CLVS1: variants seen among roughly 807,000 people sequenced by gnomAD.
The protein encoded by CLVS1 is clavesin-1.
CLVS1 carries 10 observed loss-of-function variants against 33.1 expected under a neutral mutation model. The ratio of observed to expected loss-of-function variants is 0.30; its 90% confidence interval spans 0.19 to 0.51. The LOEUF is 0.51. CLVS1 is among the 20% of genes least tolerant of loss of function. The pLI, the probability that CLVS1 is intolerant of heterozygous loss-of-function variation, is 0.97. For synonymous variants in CLVS1, 163 were observed against 166.1 expected, an observed-to-expected ratio of 0.98 and a Z score of 0.14; for missense variants, 343 against 433.4, an observed-to-expected ratio of 0.79 and a Z score of 1.85.
chr8:61,367,143 T>C (rs6994385), intron 2 of CLVS1, among the ~76,000 whole-genome samples: 74,902 of 151,862 alleles, frequency 0.49, 18,753 homozygotes, highest in East Asian at 0.65. Flanking sequence ...TTCCCTTTAA[T>C]GGAGCTGCTC....
chr8:61,256,881 A>G (rs1296076602), intron 2 of CLVS1, among the ~76,000 whole-genome samples: 4 of 152,228 alleles, frequency 2.6e-5, no homozygotes, highest in African/African-American at 9.6e-5. Context: ...AAAGAAGGCA[A>G]GTTTTAGAAT....
the CLVS1 span, among the ~76,000 whole-genome samples, chr8:61,031,877 G>A: frequency 6.6e-6 from 1 of 152,126 alleles, no homozygotes; most frequent in Non-Finnish European, 1.5e-5. Flanking sequence ...GGGGCGGGGT[G>A]GGGGAGAAGT....
chr8:61,165,460 T>A (rs1806843735), intron 2 of CLVS1, among the ~76,000 whole-genome samples: 1 of 152,224 alleles, frequency 6.6e-6, no homozygotes, highest in Non-Finnish European at 1.5e-5. Flanking sequence ...TCTCAGGCAA[T>A]AGATGATTGG....
chr8:61,031,804 A>G, the CLVS1 span, among the ~76,000 whole-genome samples: 1 of 152,216 alleles, frequency 6.6e-6, no homozygotes, highest in Non-Finnish European at 1.5e-5. Flanking sequence ...TTTCAGGAGC[A>G]GCAAAATATA....
intron 5 of CLVS1, among the ~76,000 whole-genome samples, chr8:61,460,071 C>G (rs538628102): frequency 6.6e-6 from 1 of 152,244 alleles, no homozygotes; most frequent in South Asian, 2.1e-4. Flanking sequence ...AGTCATATAT[C>G]CAAATATAGT....
intron 2 of CLVS1, among the ~76,000 whole-genome samples, chr8:61,212,473 C>T (rs924601560): frequency 6.6e-6 from 1 of 152,120 alleles, no homozygotes; most frequent in East Asian, 1.9e-4. Context: ...GCTGGCGCTG[C>T]CCAGTTGGTC....
At chr8:61,344,483 G>T (rs761956027) in intron 2 of CLVS1, among the ~76,000 whole-genome samples, 36 of 152,320 alleles carry the variant, frequency 2.4e-4, no homozygotes, top group Non-Finnish European at 5.0e-4. Flanking sequence ...CAGGGCAAGA[G>T]GCTTAGCTCA....
the CLVS1 span, among the ~76,000 whole-genome samples, chr8:60,972,764 A>T: frequency 1.8e-3 from 276 of 152,270 alleles, no homozygotes; most frequent in African/African-American, 6.1e-3. Flanking sequence ...TTTCCTCTTC[A>T]CTAGCCCCAT....
chr8:61,056,107 C>T (rs1365640171), upstream of CLVS1, among the ~76,000 whole-genome samples: 1 of 152,170 alleles, frequency 6.6e-6, no homozygotes, highest in Non-Finnish European at 1.5e-5. Flanking sequence ...CATGGTCACA[C>T]CTCCCTGTAA....
At chr8:60,975,571 A>G in the CLVS1 span, among the ~76,000 whole-genome samples, 1 of 152,166 alleles carries the variant, frequency 6.6e-6, no homozygotes, top group African/African-American at 2.4e-5. Flanking sequence ...CCCCAGATGC[A>G]GGAAGAGGCA....
chr8:61,206,403 G>C (rs1807841689), intron 2 of CLVS1, among the ~76,000 whole-genome samples: 1 of 151,970 alleles, frequency 6.6e-6, no homozygotes, highest in Admixed American at 6.6e-5. Flanking sequence ...AAAAGTACAG[G>C]GATATCAGTT....
At chr8:61,118,988 T>G (rs1805800889) in intron 1 of CLVS1, among the ~76,000 whole-genome samples, 1 of 152,200 alleles carries the variant, frequency 6.6e-6, no homozygotes, top group Non-Finnish European at 1.5e-5. Context: ...AGTCTCCCAT[T>G]ATTAATGTGT....
intron 5 of CLVS1, among the ~76,000 whole-genome samples, chr8:61,480,118 G>A (rs1436997853): frequency 7.9e-5 from 12 of 152,276 alleles, no homozygotes; most frequent in African/African-American, 2.2e-4. Flanking sequence ...GCTGTCAGAC[G>A]GGGACATTTG....
chr8:61,304,983 C>T (rs889649377), intron 2 of CLVS1, among the ~76,000 whole-genome samples: 1 of 152,084 alleles, frequency 6.6e-6, no homozygotes, highest in Non-Finnish European at 1.5e-5. Flanking sequence ...AAACTCTGAA[C>T]CCCGATGGCC....
At chr8:61,195,950 G>A (rs1465343669) in intron 2 of CLVS1, among the ~76,000 whole-genome samples, 2 of 152,106 alleles carry the variant, frequency 1.3e-5, no homozygotes, top group Admixed American at 1.3e-4. Flanking sequence ...ATCTTACAGA[G>A]TTGTTTTGTG....
intron 3 of CLVS1, among the ~76,000 whole-genome samples, chr8:61,385,115 A>T (rs1316472681): frequency 6.6e-6 from 1 of 152,174 alleles, no homozygotes; most frequent in African/African-American, 2.4e-5. Flanking sequence ...ATGGTGGTGG[A>T]AGAAGTATTC....
chr8:61,325,421 G>A lies in CLVS1; in HGVS notation c.455+25139G>A, dbSNP rs116941788. On this transcript the variant is annotated intron_variant, in intron 2 of 5. Transcript: ENST00000325897. ...TCTATAGAACATTGAAGGCCCAGAA[G>A]GCTCTTTGCATTTTGGACTAGCAGT... 7.7e-3 allele frequency among the ~76,000 whole-genome samples: 1,170 copies of A among 152,200 alleles called. 8 individuals are homozygous for A. Among genetic ancestry groups the A allele is most frequent in the Non-Finnish European group, 0.013 (869 of 68,000 alleles).
intron 2 of CLVS1, among the ~76,000 whole-genome samples, chr8:61,162,659 G>A (rs144884594): frequency 1.9e-4 from 29 of 152,328 alleles, no homozygotes; most frequent in Non-Finnish European, 3.5e-4. Context: ...TTTAGTATGA[G>A]CACTCATCTT....
intron 5 of CLVS1, among the ~76,000 whole-genome samples, chr8:61,464,034 G>A (rs1220835424): frequency 2.1e-5 from 3 of 139,812 alleles, no homozygotes; most frequent in Admixed American, 6.8e-5. Context: ...TCAAGATCAC[G>A]CCACTGACTG....
Sources: allele counts gnomAD v4.1 joint callset (sites outside exome capture counted in the v4.1 genomes callset), GRCh38; gene constraint gnomAD v4.1.1; transcripts MANE v1.5; gene names NCBI Gene and HGNC (gene_info 2026-07-23, HGNC 2026-07-21).